Variants in KIF1A observed in about 807,000 individuals in gnomAD.
The protein encoded by KIF1A is kinesin-like protein KIF1A.
In KIF1A, 46 loss-of-function variants were observed where a neutral mutation model predicts 227.3. The ratio of observed to expected loss-of-function variants is 0.20; its 90% CI spans 0.16 to 0.26. The LOEUF is 0.26. KIF1A is among the 10% of genes least tolerant of loss of function. The probability of loss-of-function intolerance (pLI) is 1.00; values close to 1 mark genes in which losing one functional copy is unlikely to be tolerated. For synonymous variants in KIF1A, 1,022 were observed against 1,012.8 expected, an observed-to-expected ratio of 1.01 and a Z score of -0.17; for missense variants, 1,683 against 2,485.9, an observed-to-expected ratio of 0.68 and a Z score of 6.87.
At chr2:240,749,636 C>T (rs2048990034) in intron 28 of KIF1A, among the ~76,000 whole-genome samples, 1 of 152,218 alleles carries the variant, frequency 6.6e-6, no homozygotes, top group Admixed American at 6.5e-5. Context: ...AGCTTCCAGG[C>T]AGCCAAGCGC....
chr2:240,743,121 T>C (rs927068110), intron 33 of KIF1A, 137 bp from the exon 34 acceptor site: 1 of 661,834 alleles, frequency 1.5e-6, no homozygotes, highest in Non-Finnish European at 2.4e-6. Context: ...TCCACCAGCT[T>C]GGGTGGGAGG....
chr2:240,728,705 G>C (rs1229764343), intron 38 of KIF1A, among the ~76,000 whole-genome samples: 1 of 152,190 alleles, frequency 6.6e-6, no homozygotes, highest in African/African-American at 2.4e-5. Context: ...GGCCTGGAGG[G>C]ATTTGCTCCT....
At chr2:240,730,879 A>G (rs1301930099) in intron 38 of KIF1A, among the ~76,000 whole-genome samples, 2 of 152,280 alleles carry the variant, frequency 1.3e-5, no homozygotes, top group East Asian at 3.9e-4. Flanking sequence ...AGGCTGGGCC[A>G]GGCACCCCTG....
intron 12 of KIF1A, among the ~76,000 whole-genome samples, 159 bp from the exon 13 acceptor site, chr2:240,773,415 C>T (rs1299880229): frequency 2.0e-5 from 3 of 152,148 alleles, no homozygotes; most frequent in Non-Finnish European, 4.4e-5. Context: ...AGTGAGAAAT[C>T]GCCCCCATGG....
intron 38 of KIF1A, among the ~76,000 whole-genome samples, chr2:240,731,179 G>A (rs989628105): frequency 1.2e-4 from 19 of 152,206 alleles, no homozygotes; most frequent in African/African-American, 3.9e-4. Flanking sequence ...TCAGGAAGGT[G>A]CCTGGAGGAG....
At chr2:240,764,894 C>CCCTGCCCCGAGTTCCCAG (rs576778207) in intron 20 of KIF1A, among the ~76,000 whole-genome samples, 4 of 152,228 alleles carry the variant, frequency 2.6e-5, no homozygotes, top group East Asian at 1.9e-4. Context: ...CAAGTTCCCA[C>CCCTGCCCCGAGTTCCCAG]CCTGCCCCGA....
At chr2:240,735,354 C>G (rs916749092) in intron 38 of KIF1A, among the ~76,000 whole-genome samples, 1 of 141,744 alleles carries the variant, frequency 7.1e-6, no homozygotes, top group Non-Finnish European at 1.6e-5. Flanking sequence ...GGTTCTCAGG[C>G]ATCCAGGAAC....
intron 40 of KIF1A, chr2:240,724,532 T>A (rs1377229289): frequency 5.2e-6 from 1 of 191,744 alleles, no homozygotes; most frequent in African/African-American, 2.4e-5. Context: ...GGACACTGGA[T>A]CCTGACCCCC....
chr2:240,776,899 G>T (rs116244617), intron 10 of KIF1A, among the ~76,000 whole-genome samples: 3 of 152,214 alleles, frequency 2.0e-5, no homozygotes, highest in African/African-American at 7.2e-5. Context: ...GTCAAAGGGG[G>T]TCCAGAATAC....
In KIF1A at chr2:240,760,734, G is replaced by A; in HGVS notation, c.2375C>T (p.Thr792Ile). The change falls in exon 25 of 49, where the codon ACC becomes ATC. Residue 792 changes from threonine (T) to isoleucine (I), a missense_variant. This residue lies in a region of KIF1A where 759 missense variants were observed against 1,020.2 expected (regional missense o/e 0.74). Transcript: ENST00000498729. Reference sequence around the variant, plus strand: ...GTCCTGGACCTCCACGGCCACAATGGTGCGGGGGAAGGGCCGCGTCTCTCG... The same window carrying A: ...GTCCTGGACCTCCACGGCCACAATGATGCGGGGGAAGGGCCGCGTCTCTCG... Reference protein sequence around the residue: ...KDRETRPFPRTIVAVEVQDQK... With the variant: ...KDRETRPFPRIIVAVEVQDQK... 2 of 1,596,330 alleles carry A rather than the reference G, an allele frequency of 1.3e-6. No individual in the cohort carries two copies. Among genetic ancestry groups the A allele is most frequent in the Non-Finnish European group, 1.7e-6 (2 of 1,171,222 alleles).
intron 6 of KIF1A, among the ~76,000 whole-genome samples, chr2:240,785,324 A>G (rs2054595549): frequency 6.6e-6 from 1 of 152,186 alleles, no homozygotes; most frequent in African/African-American, 2.4e-5. Flanking sequence ...CCTTGCTGGT[A>G]TATTCAGGGC....
chr2:240,809,045 T>A (rs901334200), intron 1 of KIF1A, among the ~76,000 whole-genome samples: 5 of 152,210 alleles, frequency 3.3e-5, no homozygotes, highest in African/African-American at 1.2e-4. Context: ...TAACTTATTA[T>A]AAAGAAAATT....
At chr2:240,776,180 T>G (rs1316598643) in intron 10 of KIF1A, among the ~76,000 whole-genome samples, 1 of 152,152 alleles carries the variant, frequency 6.6e-6, no homozygotes, top group African/African-American at 2.4e-5. Context: ...CCCTCTTCCA[T>G]CCCTGCTGCC....
At position 240,787,319 on chromosome 2, in the gene KIF1A, G is replaced by T. The variant is rs2055065906; in HGVS notation, c.364-3C>A. 1.2e-6 allele frequency: 2 copies of T among 1,612,856 alleles called. No homozygotes were observed. The highest frequency in any genetic ancestry group is 2.7e-5 in the African/African-American group (2 of 75,026). On this transcript the variant is annotated splice_region_variant and splice_polypyrimidine_tract_variant and intron_variant, in intron 4 of 48. Transcript: ENST00000498729. ...CGAGAGAAGAGGTCCTCGCAGAGCT[G>T]CAGGAATGGGGGGACAGTCAGCCAG...
Position 240,725,346 on chromosome 2 carries a change from G to A in KIF1A, c.4181C>T (p.Ser1394Phe). The A allele has an allele frequency of 6.2e-7, 1 of 1,612,120 alleles. No homozygotes were observed. The highest frequency in any genetic ancestry group is 8.5e-7 in the Non-Finnish European group (1 of 1,179,632). Reference protein sequence around the residue: ...VTKDFCMVFYSRDAKLPASRS... With the variant: ...VTKDFCMVFYFRDAKLPASRS... ...CGAGGCTGGCAGCTTGGCATCACGG[G>A]AATAGAAGACCATGCAGAAGTCCTT... Residue 1394 changes from serine (S) to phenylalanine (F), a missense_variant, in exon 40 of 49, where the codon TCC becomes TTC. Physicochemically the swap from Ser to Phe is radical, Grantham distance 155. Coordinates refer to ENST00000498729, the MANE Select transcript of KIF1A (RefSeq NM_001244008.2). The surrounding 1 kb of genome is among the most constrained non-coding windows in gnomAD (Gnocchi z 5.8).
intron 30 of KIF1A, 50 bp downstream of exon 30, chr2:240,745,989 C>T (rs767580617): frequency 6.3e-7 from 1 of 1,599,420 alleles, no homozygotes; most frequent in East Asian, 2.3e-5. Context: ...GGCTCAGGAA[C>T]CAGGTCTCAG....
chr2:240,815,067 T>C (rs1005170285), intron 1 of KIF1A, among the ~76,000 whole-genome samples: 3 of 152,210 alleles, frequency 2.0e-5, no homozygotes, highest in African/African-American at 7.2e-5. Flanking sequence ...CCACTACTTG[T>C]CCTAGAGCTG....
intron 32 of KIF1A, among the ~76,000 whole-genome samples, 195 bp from the exon 33 acceptor site, chr2:240,744,255 ACT>A (rs767058827): frequency 6.6e-6 from 1 of 151,820 alleles, no homozygotes. Flanking sequence ...CCCCAGACAG[ACT>A]CTGGAGTGTG....
rs73102632 is a variant in KIF1A, at chr2:240,752,883, C to G, written c.2859-2336G>C. On this transcript the variant is annotated intron_variant, in intron 27 of 48. Coordinates refer to ENST00000498729, the MANE Select transcript of KIF1A (RefSeq NM_001244008.2). The surrounding 1 kb of genome is among the most constrained non-coding windows in gnomAD (Gnocchi z 6.4). ...TGGGCCAGGTGAGGACACTCAGGCA[C>G]GGGGTTCCTGAATCCATTGGCGCAG... Among the ~76,000 whole-genome samples the G allele has an allele frequency of 0.012, 1,779 of 152,246 alleles. 37 individuals carry two copies. The highest frequency in any genetic ancestry group is 0.041 in the African/African-American group (1,695 of 41,538).
Sources: allele counts gnomAD v4.1 joint callset (sites outside exome capture counted in the v4.1 genomes callset), GRCh38; gene constraint gnomAD v4.1.1; regional missense constraint gnomAD v4.1.1; non-coding constraint Gnocchi (gnomAD v3.1); transcripts MANE v1.5; gene names NCBI Gene and HGNC (gene_info 2026-07-23, HGNC 2026-07-21).